Variants in ADAMTSL1 observed in about 807,000 individuals in gnomAD.
ADAMTSL1 encodes ADAMTS like 1.
ADAMTSL1 carries 126 observed loss-of-function variants against 201.8 expected under a neutral mutation model. The observed-to-expected ratio is 0.62, with a 90% confidence interval of 0.54 to 0.72. The LOEUF is 0.72. ADAMTSL1 is among the 30% of genes least tolerant of loss of function. The pLI is 0.00. For missense variants in ADAMTSL1, 2,679 were observed against 2,277.8 expected (o/e 1.18, Z -3.59); for synonymous variants, 1,121 against 903.4 (o/e 1.24, Z -4.32).
intron 1 of ADAMTSL1, among the ~76,000 whole-genome samples, chr9:17,965,002 C>T (rs1345287102): frequency 3.3e-5 from 5 of 152,068 alleles, no homozygotes; most frequent in African/African-American, 1.2e-4. Flanking sequence ...TTCCACCTGC[C>T]ACAGCCTCTT....
chr9:18,688,821 G>A (rs1429858122), intron 13 of ADAMTSL1, among the ~76,000 whole-genome samples: 3 of 149,698 alleles, frequency 2.0e-5, no homozygotes, highest in Admixed American at 1.3e-4. Context: ...GCCTCTGACT[G>A]TTGAGGTAGA....
At chr9:18,453,643 G>A (rs533465925) in intron 2 of ADAMTSL1, among the ~76,000 whole-genome samples, 3 of 152,068 alleles carry the variant, frequency 2.0e-5, no homozygotes, top group African/African-American at 7.2e-5. Context: ...TATTTTGCTT[G>A]GAAATCTCTC....
chr9:18,509,236 A>AAAAAAAAATT (rs1817875053), intron 2 of ADAMTSL1, among the ~76,000 whole-genome samples: 2 of 129,818 alleles, frequency 1.5e-5, no homozygotes, highest in Admixed American at 8.5e-5. Context: ...AAAAAAAGAA[A>AAAAAAAAATT]TAGATATGTT....
At chr9:18,877,422 T>A (rs181909623) in intron 23 of ADAMTSL1, among the ~76,000 whole-genome samples, 59 of 152,302 alleles carry the variant, frequency 3.9e-4, no homozygotes, top group Admixed American at 2.3e-3. Context: ...CACAGGGTGC[T>A]CCCTTGATGT....
chr9:18,291,743 T>TCACA (rs1374547228), intron 2 of ADAMTSL1, among the ~76,000 whole-genome samples: 3 of 114,646 alleles, frequency 2.6e-5, no homozygotes, highest in South Asian at 3.1e-4. Flanking sequence ...TCTCTCTCTC[T>TCACA]CTCTCACACA....
At chr9:18,443,842 C>A (rs1401330216) in intron 2 of ADAMTSL1, among the ~76,000 whole-genome samples, 1 of 152,270 alleles carries the variant, frequency 6.6e-6, no homozygotes, top group Non-Finnish European at 1.5e-5. Flanking sequence ...ATATTGTCAA[C>A]ATGCATTTGA....
At chr9:18,708,712 T>C (rs2133342184) in intron 14 of ADAMTSL1, among the ~76,000 whole-genome samples, 1 of 152,352 alleles carries the variant, frequency 6.6e-6, no homozygotes, top group East Asian at 1.9e-4. Context: ...TCATTATTTC[T>C]AGTCTAAGAC....
intron 2 of ADAMTSL1, among the ~76,000 whole-genome samples, chr9:18,510,565 A>G (rs1311475042): frequency 6.6e-6 from 1 of 152,110 alleles, no homozygotes; most frequent in East Asian, 1.9e-4. Context: ...TTCCAGGTTT[A>G]TGATATTGGA....
At chr9:18,901,710 A>G (rs973878080) in intron 26 of ADAMTSL1, among the ~76,000 whole-genome samples, 1 of 152,198 alleles carries the variant, frequency 6.6e-6, no homozygotes, top group African/African-American at 2.4e-5. Flanking sequence ...TAAAAAAACA[A>G]CTAATCACAA....
chr9:18,245,466 T>C (rs1372434375), intron 2 of ADAMTSL1, among the ~76,000 whole-genome samples: 1 of 152,082 alleles, frequency 6.6e-6, no homozygotes, highest in East Asian at 1.9e-4. Flanking sequence ...TTACTGGGCA[T>C]TGCAGGTCTA....
At chr9:18,074,731 C>T (rs1823137526) in intron 1 of ADAMTSL1, among the ~76,000 whole-genome samples, 2 of 152,020 alleles carry the variant, frequency 1.3e-5, no homozygotes, top group Non-Finnish European at 1.5e-5. Context: ...GCTGGGATTA[C>T]AGGCGCTTGC....
At chr9:18,578,321 C>T (rs1218943395) in intron 4 of ADAMTSL1, among the ~76,000 whole-genome samples, 1 of 152,200 alleles carries the variant, frequency 6.6e-6, no homozygotes, top group Non-Finnish European at 1.5e-5. Flanking sequence ...CTCCCTCTCT[C>T]CCTCCTAGAT....
chr9:18,450,562 T>C (rs1820364980), intron 2 of ADAMTSL1, among the ~76,000 whole-genome samples: 1 of 151,614 alleles, frequency 6.6e-6, no homozygotes, highest in South Asian at 2.1e-4. Context: ...CCCAGATTCA[T>C]ATATACATAT....
At chr9:18,259,388 G>A (rs1831824146) in intron 2 of ADAMTSL1, among the ~76,000 whole-genome samples, 1 of 152,058 alleles carries the variant, frequency 6.6e-6, no homozygotes, top group African/African-American at 2.4e-5. Context: ...AGCCAGGCAT[G>A]GTGGCACATG....
intron 2 of ADAMTSL1, among the ~76,000 whole-genome samples, chr9:18,291,747 TCACACACACA>T (rs368988848): frequency 3.8e-4 from 38 of 99,796 alleles, no homozygotes; most frequent in South Asian, 1.2e-3. Context: ...TCTCTCTCTC[TCACACACACA>T]CACACACACA....
intron 26 of ADAMTSL1, among the ~76,000 whole-genome samples, chr9:18,899,991 G>C (rs1165034713): frequency 6.6e-6 from 1 of 152,188 alleles, no homozygotes; most frequent in Non-Finnish European, 1.5e-5. Flanking sequence ...ACTATCATTA[G>C]AGAGAACAGA....
Position 18,721,587 on chromosome 9 carries a change from C to T in ADAMTSL1, c.1928C>T (p.Ala643Val). The T allele has an allele frequency of 6.2e-7, 1 of 1,613,976 alleles. No homozygotes were observed. Among genetic ancestry groups the T allele is most frequent in the Non-Finnish European group, 8.5e-7 (1 of 1,179,874 alleles). The part of the protein sequence containing the change: ...SCLNKQTREP[A>V]EENLCVTSRR... ...TTGAACAAACAGACTCGGGAGCCTG[C>T]TGAGGAGAACCTGTGCGTGACCAGC... Residue 643 changes from alanine (A) to valine (V), a missense_variant, in exon 15 of 29, where the codon GCT (alanine) becomes GTT (valine). By Grantham distance (64) the Ala-to-Val change is moderately conservative. Coordinates refer to ENST00000380548, the MANE Select transcript of ADAMTSL1 (RefSeq NM_001040272.6).
At chr9:18,127,474 C>A (rs992458352) in intron 1 of ADAMTSL1, among the ~76,000 whole-genome samples, 6 of 124,128 alleles carry the variant, frequency 4.8e-5, no homozygotes, top group African/African-American at 1.9e-4. Context: ...TGCATAGGCA[C>A]ATACACAACA....
chr9:18,666,134 G>A (rs1442796508), intron 9 of ADAMTSL1, among the ~76,000 whole-genome samples: 1 of 152,144 alleles, frequency 6.6e-6, no homozygotes. Context: ...AAGTTCACTG[G>A]ACTATAAGAC....
Sources: gnomAD v4.1 joint callset for allele counts (sites outside exome capture counted in the v4.1 genomes callset) on GRCh38, gnomAD v4.1.1 for gene constraint, MANE v1.5 for transcripts, NCBI Gene and HGNC (gene_info 2026-07-23, HGNC 2026-07-21) for gene names.